Variants in PDE5A observed in about 807,000 individuals in gnomAD.
The protein encoded by PDE5A is cGMP-specific 3',5'-cyclic phosphodiesterase.
PDE5A carries 67 observed loss-of-function variants against 110.2 expected under a neutral mutation model. The observed-to-expected ratio is 0.61, with a 90% confidence interval of 0.50 to 0.75. PDE5A has a LOEUF of 0.75. PDE5A is among the 30% of genes least tolerant of loss of function. The pLI is 0.00. For synonymous variants in PDE5A, 328 were observed against 351.2 expected, an observed-to-expected ratio of 0.93 and a Z score of 0.74; for missense variants, 862 against 1,045.1, an observed-to-expected ratio of 0.82 and a Z score of 2.42.
chr4:119,502,930 T>G (rs2110453742), intron 18 of PDE5A, among the ~76,000 whole-genome samples: 1 of 151,616 alleles, frequency 6.6e-6, no homozygotes, highest in East Asian at 1.9e-4. Flanking sequence ...TCATTTATTT[T>G]CTCCCCATAA....
In PDE5A at chr4:119,497,947, T is replaced by G. The variant is rs893158334; in HGVS notation, c.*654A>C. The G allele has an allele frequency of 1.3e-5, 2 of 152,172 alleles. No individual in the cohort carries two copies. Among genetic ancestry groups the G allele is most frequent in the Non-Finnish European group, 2.9e-5 (2 of 68,034 alleles). 9.4% of individuals were successfully genotyped at this position (152,172 alleles called of 1,614,324 possible). A position where few individuals can be genotyped will look rare whatever the true frequency, so the allele number is the denominator to read the frequency against. ...ATTTTATGGGTAGCTTTCAGAAAAA[T>G]GTACTGCACTGAAGTGACAAAGTTC... On this transcript the variant is annotated 3_prime_UTR_variant, in exon 21 of 21. Coordinates refer to ENST00000354960, the MANE Select transcript of PDE5A (RefSeq NM_001083.4).
In PDE5A at chr4:119,498,512, C is replaced by T. The variant is rs1725169307; in HGVS notation, c.*89G>A. On this transcript the variant is annotated 3_prime_UTR_variant, in exon 21 of 21. Coordinates refer to ENST00000354960, the MANE Select transcript of PDE5A (RefSeq NM_001083.4). ...GCAGTGGCAAAGTATATACCAAATA[C>T]AGACACTATACAGACAGTGTGTAAG... is the stretch of plus-strand genomic sequence containing the variant. 2 of 1,411,928 alleles carry T rather than the reference C, an allele frequency of 1.4e-6. No homozygotes were observed. The highest frequency in any genetic ancestry group is 9.8e-7 in the Non-Finnish European group (1 of 1,019,028). 87.5% of individuals were successfully genotyped at this position (1,411,928 alleles called of 1,614,324 possible).
At chr4:119,502,347 C>A (rs1321543233) in intron 19 of PDE5A, 8 of 316,030 alleles carry the variant, frequency 2.5e-5, no homozygotes, top group African/African-American at 6.5e-5. Flanking sequence ...CGGAAAAAAA[C>A]AAATTACAAA....
intron 2 of PDE5A, among the ~76,000 whole-genome samples, chr4:119,605,322 G>T (rs568910838): frequency 1.1e-4 from 16 of 151,890 alleles, no homozygotes; most frequent in African/African-American, 3.9e-4. Context: ...CAAATTTTCC[G>T]GGATCTGTAC....
In PDE5A at chr4:119,553,757, A is replaced by G. The variant is rs780847904; in HGVS notation, c.1200-11T>C. The stretch of plus-strand genomic sequence containing the variant: ...TTTGCATCATGTTCCCTGTGAAAAT[A>G]ACAGATATGAGTTCCCTCTGTGCAG... On this transcript the variant is annotated splice_polypyrimidine_tract_variant and intron_variant, in intron 7 of 20. Coordinates refer to ENST00000354960, the MANE Select transcript of PDE5A (RefSeq NM_001083.4). The G allele has an allele frequency of 7.4e-7, 1 of 1,359,194 alleles. No homozygotes were observed. The allele number at this position is 1,359,194 out of a possible 1,614,324, so 84.2% of individuals were successfully genotyped here. A position where few individuals can be genotyped will look rare whatever the true frequency, so the allele number is the denominator to read the frequency against.
rs952892715 is a variant in PDE5A at position 119,495,141 on chromosome 4, CAT to C, written c.*3458_*3459del. 1.8e-4 allele frequency: 27 copies of C among 152,264 alleles called. No individual in the cohort carries two copies. Among genetic ancestry groups the C allele is most frequent in the African/African-American group, 5.3e-4 (22 of 41,556 alleles). The allele number at this position is 152,264 out of a possible 1,614,324, so 9.4% of individuals were successfully genotyped here. A position where few individuals can be genotyped will look rare whatever the true frequency, so the allele number is the denominator to read the frequency against. On this transcript the variant is annotated 3_prime_UTR_variant, in exon 21 of 21. Coordinates refer to ENST00000354960, the MANE Select transcript of PDE5A (RefSeq NM_001083.4). ...TTTCAGGTAAAGAAGGTGCATAAAACATATGTTATTGATGAAAATGGAAATGA... is the reference window on the plus strand; with the variant it reads ...TTTCAGGTAAAGAAGGTGCATAAAACATGTTATTGATGAAAATGGAAATGA...
At chr4:119,617,375 C>T (rs866233815) in intron 1 of PDE5A, among the ~76,000 whole-genome samples, 23 of 152,254 alleles carry the variant, frequency 1.5e-4, no homozygotes, top group African/African-American at 4.3e-4. Context: ...GGGACACACA[C>T]ACACACACGC....
intron 14 of PDE5A, among the ~76,000 whole-genome samples, chr4:119,512,014 GGTTTGTGA>G (rs1725759789): frequency 6.6e-6 from 1 of 152,142 alleles, no homozygotes; most frequent in East Asian, 1.9e-4. Context: ...ATAGGAAAGG[GGTTTGTGA>G]ATTGTAAAGC....
chr4:119,596,631 T>C lies in PDE5A; in HGVS notation c.742-19A>G, dbSNP rs571189869. 7.4e-7 allele frequency: 1 copy of C among 1,355,650 alleles called. No homozygotes were observed. The highest frequency in any genetic ancestry group is 1.0e-6 in the Non-Finnish European group (1 of 960,350). 84.0% of individuals were successfully genotyped at this position (1,355,650 alleles called of 1,614,324 possible). A position where few individuals can be genotyped will look rare whatever the true frequency, so the allele number is the denominator to read the frequency against. On this transcript the variant is annotated intron_variant, in intron 2 of 20. Transcript: ENST00000354960. ...GAGGATCCTAGTATGGAAAAAGAAA[T>C]TCAATTTAATGACTGACCTGTTCAA...
intron 12 of PDE5A, among the ~76,000 whole-genome samples, chr4:119,524,335 A>G (rs1335566024): frequency 6.7e-6 from 1 of 149,860 alleles, no homozygotes; most frequent in African/African-American, 2.5e-5. Flanking sequence ...TAAAATGGGG[A>G]TAACAGTAAT....
At chr4:119,527,594 A>G (rs1346500244) in intron 11 of PDE5A, among the ~76,000 whole-genome samples, 3 of 152,158 alleles carry the variant, frequency 2.0e-5, no homozygotes. Flanking sequence ...TTTTACTAAT[A>G]GCAGGAAATA....
At chr4:119,513,387 A>C (rs1725812897) in intron 14 of PDE5A, among the ~76,000 whole-genome samples, 1 of 152,120 alleles carries the variant, frequency 6.6e-6, no homozygotes, top group Non-Finnish European at 1.5e-5. Flanking sequence ...GTGCCTGGGA[A>C]GACTAAGCAC....
At chr4:119,571,134 TGA>T (rs1728127555) in intron 3 of PDE5A, among the ~76,000 whole-genome samples, 1 of 152,120 alleles carries the variant, frequency 6.6e-6, no homozygotes, top group Non-Finnish European at 1.5e-5. Context: ...ATGAGAAAAC[TGA>T]GAGTGAGAGA....
chr4:119,562,451 G>A (rs576146880), intron 6 of PDE5A, among the ~76,000 whole-genome samples: 28 of 152,166 alleles, frequency 1.8e-4, no homozygotes, highest in Admixed American at 6.5e-4. Flanking sequence ...GAGGAGTCTG[G>A]TCTGCCTGTT....
At chr4:119,582,271 C>G (rs1728613104) in intron 3 of PDE5A, among the ~76,000 whole-genome samples, 4 of 152,222 alleles carry the variant, frequency 2.6e-5, no homozygotes, top group Admixed American at 2.6e-4. Flanking sequence ...TAGAGTCCAT[C>G]TCAAGAAACC....
At chr4:119,571,744 A>C (rs2928992) in intron 3 of PDE5A, among the ~76,000 whole-genome samples, 152,360 of 152,362 alleles carry the variant, frequency 1, 76,179 homozygotes, top group Non-Finnish European at 1. Flanking sequence ...TTCTTGCATT[A>C]TTTTTCTTCT....
chr4:119,540,848 C>A (rs765073430), intron 10 of PDE5A, among the ~76,000 whole-genome samples: 3 of 152,006 alleles, frequency 2.0e-5, no homozygotes, highest in Non-Finnish European at 4.4e-5. Flanking sequence ...AAAGAAAGGA[C>A]CATTTTTTTC....
chr4:119,609,626 A>AC (rs1046262197), intron 1 of PDE5A, among the ~76,000 whole-genome samples: 1 of 151,988 alleles, frequency 6.6e-6, no homozygotes, highest in Non-Finnish European at 1.5e-5. Context: ...TAAAAATATT[A>AC]CCCCCCTTAT....
At chr4:119,589,147 TTTCAGAGAA>T (rs1219460657) in intron 3 of PDE5A, among the ~76,000 whole-genome samples, 10 of 152,116 alleles carry the variant, frequency 6.6e-5, no homozygotes, top group East Asian at 3.9e-4. Flanking sequence ...TTCAGAGAAA[TTTCAGAGAA>T]TTCAGAGAAT....
Sources: allele counts gnomAD v4.1 joint callset (sites outside exome capture counted in the v4.1 genomes callset), GRCh38; gene constraint gnomAD v4.1.1; transcripts MANE v1.5; gene names NCBI Gene and HGNC (gene_info 2026-07-23, HGNC 2026-07-21).